CALN1: variants seen among roughly 807,000 people sequenced by gnomAD.
CALN1 encodes the protein calneuron 1.
A neutral mutation model predicts 30.6 loss-of-function variants in CALN1; 17 were observed. The ratio of observed to expected loss-of-function variants is 0.56; its 90% confidence interval spans 0.38 to 0.83. CALN1 has a LOEUF of 0.83. CALN1 is among the 40% of genes least tolerant of loss of function. The pLI is 0.00. For missense variants in CALN1, 291 were observed against 354.9 expected (o/e 0.82, Z 1.45); for synonymous variants, 156 against 131.4 (o/e 1.19, Z -1.28).
At chr7:72,435,686 A>G (rs1808133392) in intron 1 of CALN1, among the ~76,000 whole-genome samples, 1 of 152,192 alleles carries the variant, frequency 6.6e-6, no homozygotes, top group Non-Finnish European at 1.5e-5. Flanking sequence ...CCTCCGTTTG[A>G]CAGAGCCGCT....
At position 71,831,871 on chromosome 7, in the gene CALN1, CAAAAAAAAAAA is replaced by C. The variant is rs751078568; in HGVS notation, c.502-21390_502-21380del. On this transcript the variant is annotated intron_variant, in intron 5 of 6. Transcript: ENST00000395275. Reference sequence around the variant, plus strand: ...GGGTGAAGGGAGTGAAACCCTGCCTCAAAAAAAAAAAAAAAAAAAAAAAAAACAAACCAAAA... The same window carrying C: ...GGGTGAAGGGAGTGAAACCCTGCCTCAAAAAAAAAAAAAAACAAACCAAAA... Among the ~76,000 whole-genome samples the C allele has an allele frequency of 1.4e-4, 3 of 20,880 alleles. No homozygotes were observed. In the South Asian group the frequency reaches 0.019, roughly 134 times the overall value. The allele number at this position is 20,880 out of a possible 152,430, so 13.7% of individuals were successfully genotyped here.
intron 5 of CALN1, among the ~76,000 whole-genome samples, chr7:71,959,339 T>C (rs1284590891): frequency 6.6e-6 from 1 of 152,208 alleles, no homozygotes; most frequent in African/African-American, 2.4e-5. Flanking sequence ...TGTTCTTTCT[T>C]GGAGATCGCA....
chr7:72,408,155 T>C (rs2129562752), intron 1 of CALN1, among the ~76,000 whole-genome samples: 1 of 151,554 alleles, frequency 6.6e-6, no homozygotes, highest in Admixed American at 6.6e-5. Context: ...ACCGTAGGCC[T>C]GGCATGGAGG....
At chr7:72,358,732 C>T (rs1353837154) in intron 2 of CALN1, among the ~76,000 whole-genome samples, 1 of 151,958 alleles carries the variant, frequency 6.6e-6, no homozygotes, top group East Asian at 1.9e-4. Context: ...AAGCAGATCA[C>T]GAGGTTAGGA....
chr7:72,401,813 C>A (rs1003938063), intron 2 of CALN1, among the ~76,000 whole-genome samples: 1 of 152,226 alleles, frequency 6.6e-6, no homozygotes, highest in East Asian at 1.9e-4. Flanking sequence ...ATATCCCTTT[C>A]CTCCGTCACA....
chr7:72,085,843 A>G (rs917420278), intron 4 of CALN1, among the ~76,000 whole-genome samples: 9 of 152,320 alleles, frequency 5.9e-5, no homozygotes, highest in Non-Finnish European at 8.8e-5. Flanking sequence ...GAAAACAAAG[A>G]AAAAATACAA....
chr7:72,071,354 C>A (rs1804381554), intron 4 of CALN1, among the ~76,000 whole-genome samples: 1 of 152,164 alleles, frequency 6.6e-6, no homozygotes, highest in South Asian at 2.1e-4. Flanking sequence ...CACCCCACCC[C>A]CAACCCTGCC....
At chr7:72,314,420 CACAT>C (rs1800292336) in intron 2 of CALN1, among the ~76,000 whole-genome samples, 2 of 149,340 alleles carry the variant, frequency 1.3e-5, no homozygotes, top group African/African-American at 2.5e-5. Context: ...TATATATACA[CACAT>C]ACATAGATTT....
the CALN1 span, among the ~76,000 whole-genome samples, chr7:72,503,346 A>G: frequency 6.6e-6 from 1 of 151,328 alleles, no homozygotes; most frequent in Non-Finnish European, 1.5e-5. Flanking sequence ...TAAGCCCTTC[A>G]GAGAGGACTC....
intron 2 of CALN1, among the ~76,000 whole-genome samples, chr7:72,288,023 G>A (rs987167144): frequency 1.3e-5 from 2 of 152,080 alleles, no homozygotes; most frequent in African/African-American, 2.4e-5. Context: ...TGAACTTTGT[G>A]GCTTAAAATA....
chr7:72,039,291 G>A (rs1801983473), intron 4 of CALN1, among the ~76,000 whole-genome samples: 1 of 152,200 alleles, frequency 6.6e-6, no homozygotes, highest in South Asian at 2.1e-4. Flanking sequence ...AGGGCTTGAG[G>A]AGCAGCTATG....
the CALN1 span, among the ~76,000 whole-genome samples, chr7:72,499,903 TTCTTTCTTTCTA>T: frequency 4.4e-3 from 239 of 54,754 alleles, 46 homozygotes; most frequent in African/African-American, 0.013. Flanking sequence ...CTTTCTTTCT[TTCTTTCTTTCTA>T]TCTTTCTCTT....
chr7:72,103,692 G>A (rs1468014085), intron 4 of CALN1, among the ~76,000 whole-genome samples: 1 of 152,022 alleles, frequency 6.6e-6, no homozygotes, highest in Non-Finnish European at 1.5e-5. Flanking sequence ...ACTAGACAGG[G>A]GACTGCCACT....
intron 4 of CALN1, among the ~76,000 whole-genome samples, chr7:72,031,366 T>G (rs1003533514): frequency 2.2e-4 from 34 of 152,212 alleles, no homozygotes; most frequent in African/African-American, 8.0e-4. Context: ...AACTACTTAT[T>G]TAACACTTGC....
At chr7:72,385,434 G>A (rs1325829454) in intron 2 of CALN1, among the ~76,000 whole-genome samples, 3 of 151,950 alleles carry the variant, frequency 2.0e-5, no homozygotes, top group East Asian at 1.9e-4. Flanking sequence ...AACAAACTGT[G>A]GTACATCTAT....
At chr7:72,260,244 T>C (rs1796175034) in intron 3 of CALN1, among the ~76,000 whole-genome samples, 1 of 152,278 alleles carries the variant, frequency 6.6e-6, no homozygotes, top group Admixed American at 6.5e-5. Context: ...TGTGCAGTGA[T>C]AAGAATAAGA....
At chr7:72,354,799 G>A (rs148358320) in intron 2 of CALN1, among the ~76,000 whole-genome samples, 25 of 151,992 alleles carry the variant, frequency 1.6e-4, no homozygotes, top group African/African-American at 5.8e-4. Flanking sequence ...GATTAACTCC[G>A]AATGGATCGT....
At chr7:72,454,723 T>A in the CALN1 span, among the ~76,000 whole-genome samples, 1 of 152,124 alleles carries the variant, frequency 6.6e-6, no homozygotes, top group African/African-American at 2.4e-5. Context: ...GCACACCACA[T>A]CAAATGTGAT....
At chr7:71,804,986 G>A (rs529591178) in intron 6 of CALN1, among the ~76,000 whole-genome samples, 2 of 152,230 alleles carry the variant, frequency 1.3e-5, no homozygotes, top group African/African-American at 4.8e-5. Flanking sequence ...AAAAATAAAA[G>A]GATGCTGATG....
Sources: allele counts gnomAD v4.1 joint callset (sites outside exome capture counted in the v4.1 genomes callset), GRCh38; gene constraint gnomAD v4.1.1; transcripts MANE v1.5; gene names NCBI Gene and HGNC (gene_info 2026-07-23, HGNC 2026-07-21).